PPIL4: variants seen among roughly 807,000 people sequenced by gnomAD.
PPIL4 encodes the protein peptidyl-prolyl cis-trans isomerase-like 4.
In PPIL4, 50 loss-of-function variants were observed where a neutral mutation model predicts 69.1. The observed-to-expected ratio is 0.72, with a 90% CI of 0.58 to 0.92. The LOEUF is 0.92. PPIL4 is among the 40% of genes least tolerant of loss of function. PPIL4 has a pLI of 0.00. For synonymous variants in PPIL4, 193 were observed against 191.6 expected (o/e 1.01, Z -0.06); for missense variants, 480 against 587.9 (o/e 0.82, Z 1.90).
chr6:149,534,996 T>C (rs1777253216), intron 5 of PPIL4, among the ~76,000 whole-genome samples: 1 of 152,218 alleles, frequency 6.6e-6, no homozygotes, highest in African/African-American at 2.4e-5. Flanking sequence ...AGATGTAAAC[T>C]AATATAACTG....
intron 1 of PPIL4, among the ~76,000 whole-genome samples, chr6:149,544,256 C>T (rs1429294013): frequency 2.6e-5 from 4 of 152,156 alleles, no homozygotes; most frequent in Admixed American, 2.6e-4. Context: ...TTCTTTGAAA[C>T]ACTCGATCCA....
At chr6:149,507,129 A>G (rs1213976188) in intron 12 of PPIL4, among the ~76,000 whole-genome samples, 1 of 152,222 alleles carries the variant, frequency 6.6e-6, no homozygotes, top group East Asian at 1.9e-4. Flanking sequence ...ACCAGATACC[A>G]CTGTAGCAGA....
chr6:149,514,151 G>GGTT (rs1165856951), intron 11 of PPIL4, among the ~76,000 whole-genome samples: 1 of 152,196 alleles, frequency 6.6e-6, no homozygotes, highest in Non-Finnish European at 1.5e-5. Flanking sequence ...GGCTAAAGAG[G>GGTT]GTTAGTCAGC....
chr6:149,517,340 C>A lies in PPIL4; in HGVS notation c.1079+14G>T, dbSNP rs746734566. On this transcript the variant is annotated intron_variant, in intron 11 of 12. Transcript: ENST00000253329. Reference sequence around the variant, plus strand: ...GTCAATACATATTAACTAACTGATTCTTGGTAAGGATACTCCTGTTTGGGC... The same window carrying A: ...GTCAATACATATTAACTAACTGATTATTGGTAAGGATACTCCTGTTTGGGC... 39 of 1,412,886 alleles carry A rather than the reference C, an allele frequency of 2.8e-5. 1 individual carries two copies. The highest frequency in any genetic ancestry group is 8.1e-5 in the South Asian group (7 of 86,522). 87.5% of individuals were successfully genotyped at this position (1,412,886 alleles called of 1,614,324 possible).
At chr6:149,545,498 T>C (rs1467751931) in intron 1 of PPIL4, among the ~76,000 whole-genome samples, 1 of 152,204 alleles carries the variant, frequency 6.6e-6, no homozygotes, top group East Asian at 1.9e-4. Flanking sequence ...CTAAGCGGTA[T>C]GCCCACACTC....
chr6:149,526,681 T>C lies in PPIL4; in HGVS notation c.774A>G (p.Ile258Met). The change falls in exon 8 of 13, where the codon ATA becomes ATG. Residue 258 changes from isoleucine (I) to methionine (M), a missense_variant. Physicochemically the swap from Ile to Met is conservative, Grantham distance 10. Transcript: ENST00000253329. ...NPVTTDEDLE[I>M]IFSRFGPIRS... ...TTATTGGCCCAAATCTAGAGAATATTATTTCCAGATCCTCATCTGTGGTCA... is the reference window on the plus strand; with the variant it reads ...TTATTGGCCCAAATCTAGAGAATATCATTTCCAGATCCTCATCTGTGGTCA... 6 of 1,611,054 alleles carry C rather than the reference T, an allele frequency of 3.7e-6. No individual in the cohort carries two copies. The highest frequency in any genetic ancestry group is 5.1e-6 in the Non-Finnish European group (6 of 1,177,900).
intron 11 of PPIL4, among the ~76,000 whole-genome samples, chr6:149,516,769 T>G (rs1776950141): frequency 6.6e-6 from 1 of 152,182 alleles, no homozygotes; most frequent in South Asian, 2.1e-4. Flanking sequence ...ATATTTGTTG[T>G]TGAAATTACA....
chr6:149,508,407 T>C (rs1776796802), intron 12 of PPIL4, among the ~76,000 whole-genome samples: 1 of 152,036 alleles, frequency 6.6e-6, no homozygotes, highest in African/African-American at 2.4e-5. Context: ...GACAAGATGA[T>C]TAAACTACCA....
intron 10 of PPIL4, among the ~76,000 whole-genome samples, 168 bp downstream of exon 10, chr6:149,520,892 A>G (rs532579210): frequency 6.6e-6 from 1 of 152,194 alleles, no homozygotes; most frequent in East Asian, 1.9e-4. Flanking sequence ...ACATGCTTGT[A>G]ATCCCAGCTG....
At chr6:149,528,846 T>C (rs1295258716) in intron 7 of PPIL4, among the ~76,000 whole-genome samples, 1 of 152,226 alleles carries the variant, frequency 6.6e-6, no homozygotes, top group Admixed American at 6.5e-5. Flanking sequence ...CTGCCAAAAC[T>C]TGGAAGCAAC....
intron 10 of PPIL4, among the ~76,000 whole-genome samples, chr6:149,519,442 T>G (rs1227990320): frequency 6.6e-6 from 1 of 152,210 alleles, no homozygotes; most frequent in Non-Finnish European, 1.5e-5. Flanking sequence ...ATATACTTAC[T>G]GGAATCTTTC....
chr6:149,541,743 C>T (rs1777366118), intron 1 of PPIL4, among the ~76,000 whole-genome samples, 157 bp from the exon 2 acceptor site: 6 of 152,296 alleles, frequency 3.9e-5, no homozygotes, highest in Admixed American at 3.3e-4. Flanking sequence ...CGGGCGCTGG[C>T]TCACACCTGT....
At chr6:149,539,187 C>T (rs1453190041) in intron 4 of PPIL4, among the ~76,000 whole-genome samples, 3 of 152,192 alleles carry the variant, frequency 2.0e-5, no homozygotes, top group Non-Finnish European at 2.9e-5. Context: ...GGTGAAGATG[C>T]TATGATAACT....
At chr6:149,537,055 G>A (rs1456899426) in intron 4 of PPIL4, among the ~76,000 whole-genome samples, 1 of 151,816 alleles carries the variant, frequency 6.6e-6, no homozygotes, top group Non-Finnish European at 1.5e-5. Context: ...GAACCCAGGA[G>A]GCGAAGGTTG....
chr6:149,520,950 T>A (rs1451210837), intron 10 of PPIL4, 110 bp downstream of exon 10: 2 of 621,946 alleles, frequency 3.2e-6, no homozygotes, highest in Non-Finnish European at 5.7e-6. Flanking sequence ...GAGACACAGG[T>A]TGCAGTGAAC....
chr6:149,508,594 A>AAT (rs1351279086), intron 12 of PPIL4, among the ~76,000 whole-genome samples: 1 of 152,226 alleles, frequency 6.6e-6, no homozygotes, highest in Non-Finnish European at 1.5e-5. Context: ...CACCAAGATA[A>AAT]CATTAAATCA....
intron 7 of PPIL4, 25 bp downstream of exon 7, chr6:149,533,433 A>C: frequency 1.6e-6 from 2 of 1,252,016 alleles, no homozygotes; most frequent in Non-Finnish European, 2.3e-6. Context: ...TTACAGAACA[A>C]TTTGAACAAA....
At chr6:149,521,428 G>A (rs937660823) in intron 9 of PPIL4, among the ~76,000 whole-genome samples, 2 of 152,172 alleles carry the variant, frequency 1.3e-5, no homozygotes, top group East Asian at 3.8e-4. Context: ...TCAGAGCCAG[G>A]ATTTTAGAGA....
intron 3 of PPIL4, 30 bp from the exon 4 acceptor site, chr6:149,541,089 A>G: frequency 1.6e-6 from 2 of 1,287,248 alleles, no homozygotes; most frequent in Non-Finnish European, 1.1e-6. Flanking sequence ...TATAAATGTA[A>G]GTACTCTCAA....
Sources: allele counts gnomAD v4.1 joint callset (sites outside exome capture counted in the v4.1 genomes callset), GRCh38; gene constraint gnomAD v4.1.1; transcripts MANE v1.5; gene names NCBI Gene and HGNC (gene_info 2026-07-23, HGNC 2026-07-21).